The following TALDO1 variants were observed in gnomAD, a reference collection of about 807,000 sequenced individuals.
TALDO1 encodes transaldolase 1, also known as transaldolase.
A neutral mutation model predicts 38.1 loss-of-function variants in TALDO1; 29 were observed. The observed-to-expected ratio is 0.76, with a 90% CI of 0.57 to 1.04. The LOEUF is 1.04. Ranked by LOEUF, TALDO1 falls within the 50% of genes least tolerant of loss-of-function variation. TALDO1 has a pLI of 0.00. For synonymous variants in TALDO1, 207 were observed against 176.8 expected, an observed-to-expected ratio of 1.17 and a Z score of -1.36; for missense variants, 499 against 438.1, an observed-to-expected ratio of 1.14 and a Z score of -1.24.
At chr11:764,527 G>T in intron 7 of TALDO1, 94 bp downstream of exon 7, 1 of 1,551,588 alleles carries the variant, frequency 6.4e-7, no homozygotes, top group Non-Finnish European at 8.7e-7. Flanking sequence ...TAAAACTTTG[G>T]TGAGACCCCA....
At chr11:762,919 G>A (rs1862964045) in intron 4 of TALDO1, among the ~76,000 whole-genome samples, 1 of 152,206 alleles carries the variant, frequency 6.6e-6, no homozygotes. Flanking sequence ...GTTCTAGCCT[G>A]GGAGCTGAGC....
At chr11:755,851 C>T in intron 1 of TALDO1, 28 bp from the exon 2 acceptor site, 2 of 1,614,102 alleles carry the variant, frequency 1.2e-6, no homozygotes, top group South Asian at 2.2e-5. Context: ...ACTCCACTTA[C>T]TTTGGCTTTT....
chr11:761,870 G>A (rs975245692), intron 4 of TALDO1, among the ~76,000 whole-genome samples: 4 of 152,120 alleles, frequency 2.6e-5, no homozygotes, highest in African/African-American at 4.8e-5. Context: ...GGCTGGTCTC[G>A]AACCCCTGGG....
chr11:761,672 CCACCTGCCAT>C (rs1862926491), intron 4 of TALDO1, among the ~76,000 whole-genome samples: 1 of 152,194 alleles, frequency 6.6e-6, no homozygotes, highest in African/African-American at 2.4e-5. Flanking sequence ...GCATGTTCTA[CCACCTGCCAT>C]CACTGACCTG....
At position 760,214 on chromosome 11, in the gene TALDO1, T is replaced by A. The variant is rs775546210; in HGVS notation, c.422T>A (p.Ile141Lys). 6.2e-7 allele frequency: 1 copy of A among 1,614,098 alleles called. No homozygotes were observed. Among genetic ancestry groups the A allele is most frequent in the African/African-American group, 1.3e-5 (1 of 74,936 alleles). ...EAGISKDRIL[I>K]KLSSTWEGIQ... is the part of the protein sequence containing the mutation. Reference sequence around the variant, plus strand: ...GGGATCAGCAAGGACCGAATTCTTATAAAGCTGTCATCAACCTGGGAAGGA... The same window carrying A: ...GGGATCAGCAAGGACCGAATTCTTAAAAAGCTGTCATCAACCTGGGAAGGA... Residue 141 changes from isoleucine to lysine, a missense_variant, in exon 4 of 8, where the codon ATA (isoleucine) becomes AAA (lysine). Ile to Lys is a moderately radical substitution (Grantham distance 102). Transcript: ENST00000319006.
At chr11:761,255 C>T (rs190347310) in intron 4 of TALDO1, among the ~76,000 whole-genome samples, 3 of 149,146 alleles carry the variant, frequency 2.0e-5, no homozygotes, top group Non-Finnish European at 4.4e-5. Context: ...AGAATCACTT[C>T]AACCTGGGAG....
At chr11:763,658 C>G (rs1266580814) in intron 5 of TALDO1, 89 bp from the exon 6 acceptor site, 4 of 1,569,248 alleles carry the variant, frequency 2.5e-6, no homozygotes, top group Middle Eastern at 3.4e-4. Context: ...GGTGGCGGCT[C>G]AAGGTAGTGC....
intron 1 of TALDO1, among the ~76,000 whole-genome samples, chr11:755,327 G>A (rs2133572935): frequency 6.6e-6 from 1 of 152,038 alleles, no homozygotes; most frequent in Middle Eastern, 3.4e-3. Flanking sequence ...TGTATTTTTA[G>A]TAGAGACGGG....
chr11:756,219 G>A, intron 2 of TALDO1: 1 of 653,160 alleles, frequency 1.5e-6, no homozygotes, highest in Non-Finnish European at 2.5e-6. Flanking sequence ...TTGCCAATGT[G>A]TGTACCCTGT....
At chr11:747,907 G>GCGGTACTGA (rs1055902798) in intron 1 of TALDO1, among the ~76,000 whole-genome samples, 2 of 152,224 alleles carry the variant, frequency 1.3e-5, no homozygotes, top group African/African-American at 4.8e-5. Flanking sequence ...AGCGGTGCGG[G>GCGGTACTGA]CGGTACTGAC....
chr11:760,112 G>A lies in TALDO1; in HGVS notation c.330-10G>A. On this transcript the variant is annotated splice_polypyrimidine_tract_variant and intron_variant, in intron 3 of 7. Coordinates refer to ENST00000319006, the MANE Select transcript of TALDO1 (RefSeq NM_006755.2). ...TGATCTGAGGGGATGGGTTCTTCTT[G>A]CTCCTACAGGCTCTCCTTTGATAAA... The A allele has an allele frequency of 6.2e-7, 1 of 1,613,640 alleles. No individual in the cohort carries two copies. Among genetic ancestry groups the A allele is most frequent in the Non-Finnish European group, 8.5e-7 (1 of 1,179,884 alleles).
rs745623008 is a variant in TALDO1 at position 763,355 on chromosome 11, A to T, written c.473A>T (p.Glu158Val). 3 of 1,599,328 alleles carry T rather than the reference A, an allele frequency of 1.9e-6. No individual in the cohort carries two copies. In the South Asian group the frequency reaches 3.3e-5, roughly 18 times the overall value. ...TCCCCGCCCCGCAGGGAGCTCGAGG[A>T]GCAGCACGGCATCCACTGCAACATG... ...EGIQAGKELE[E>V]QHGIHCNMTL... The change falls in exon 5 of 8, where the codon GAG becomes GTG. Residue 158 changes from glutamate to valine, a missense_variant. Transcript: ENST00000319006.
At chr11:753,799 G>A (rs1277628233) in intron 1 of TALDO1, among the ~76,000 whole-genome samples, 2 of 151,544 alleles carry the variant, frequency 1.3e-5, no homozygotes, top group African/African-American at 4.8e-5. Flanking sequence ...CCCAGCTACT[G>A]AGGACGCTGA....
chr11:753,119 C>T (rs1862774388), intron 1 of TALDO1, among the ~76,000 whole-genome samples: 1 of 152,040 alleles, frequency 6.6e-6, no homozygotes, highest in African/African-American at 2.4e-5. Flanking sequence ...AGAGGCCGGG[C>T]GCAGTGGCTC....
chr11:751,223 C>T (rs1378378646), intron 1 of TALDO1, among the ~76,000 whole-genome samples: 3 of 152,092 alleles, frequency 2.0e-5, no homozygotes, highest in Non-Finnish European at 4.4e-5. Flanking sequence ...CCACCACTCC[C>T]AGCTAACAAT....
chr11:761,654 G>C (rs1655208141), intron 4 of TALDO1, among the ~76,000 whole-genome samples: 1 of 152,208 alleles, frequency 6.6e-6, no homozygotes, highest in African/African-American at 2.4e-5. Context: ...TTCCACATCT[G>C]TGTGTCTGCA....
At chr11:755,778 G>C in intron 1 of TALDO1, 101 bp from the exon 2 acceptor site, 2 of 1,572,910 alleles carry the variant, frequency 1.3e-6, no homozygotes, top group South Asian at 2.3e-5. Context: ...GAAATGCTCT[G>C]GACTCCCCTA....
Position 763,456 on chromosome 11 carries a change from C to T in TALDO1, c.574C>T (p.Arg192Cys), listed in dbSNP as rs751425603. Residue 192 changes from arginine to cysteine, a missense_variant, in exon 5 of 8, where the codon CGC becomes TGC. Arg to Cys is a radical substitution (Grantham distance 180). Transcript: ENST00000319006. Reference sequence around the variant, plus strand: ...GACCCTCATCTCCCCATTTGTTGGGCGCATCCTTGATTGGCATGTGGCAAA... The same window carrying T: ...GACCCTCATCTCCCCATTTGTTGGGTGCATCCTTGATTGGCATGTGGCAAA... ...GVTLISPFVG[R>C]ILDWHVANTD... 4.3e-5 allele frequency: 69 copies of T among 1,613,404 alleles called. No individual in the cohort carries two copies. The highest frequency in any genetic ancestry group is 5.5e-5 in the Non-Finnish European group (65 of 1,179,906).
chr11:749,619 A>T (rs983221033), intron 1 of TALDO1, among the ~76,000 whole-genome samples: 2 of 152,174 alleles, frequency 1.3e-5, no homozygotes, highest in African/African-American at 4.8e-5. Flanking sequence ...AAAGCTGTGA[A>T]TGCTCTTCCC....
Sources: gnomAD v4.1 joint callset for allele counts (sites outside exome capture counted in the v4.1 genomes callset) on GRCh38, gnomAD v4.1.1 for gene constraint, MANE v1.5 for transcripts, NCBI Gene and HGNC (gene_info 2026-07-23, HGNC 2026-07-21) for gene names.